The following SLC24A3 variants were observed in gnomAD, a reference collection of about 807,000 sequenced individuals.
SLC24A3 encodes sodium/potassium/calcium exchanger 3.
In SLC24A3, 28 loss-of-function variants were observed where a neutral mutation model predicts 75.8. That is an observed-to-expected ratio of 0.37 (90% confidence interval 0.27 to 0.51). The LOEUF is 0.51. SLC24A3 is among the 20% of genes least tolerant of loss of function. The pLI is 0.94. For missense variants in SLC24A3, 663 were observed against 847.8 expected (o/e 0.78, Z 2.71); for synonymous variants, 372 against 334.1 (o/e 1.11, Z -1.24).
intron 3 of SLC24A3, among the ~76,000 whole-genome samples, chr20:19,548,218 G>A (rs1040250226): frequency 2.0e-5 from 3 of 152,160 alleles, no homozygotes; most frequent in African/African-American, 7.2e-5. Flanking sequence ...CTGGTATTAT[G>A]TATTTGGATG....
intron 6 of SLC24A3, among the ~76,000 whole-genome samples, chr20:19,615,915 A>C (rs1300480613): frequency 6.6e-6 from 1 of 152,164 alleles, no homozygotes; most frequent in Admixed American, 6.5e-5. Flanking sequence ...AGACTGAGCC[A>C]CTACTGGCTT....
chr20:19,607,007 T>G (rs570223990), intron 6 of SLC24A3, among the ~76,000 whole-genome samples: 18 of 152,274 alleles, frequency 1.2e-4, no homozygotes, highest in Non-Finnish European at 2.4e-4. Context: ...AATGTAGGCA[T>G]AGAAGAGGGT....
At chr20:19,666,053 A>T (rs1600329191) in intron 8 of SLC24A3, among the ~76,000 whole-genome samples, 164 bp downstream of exon 8, 4 of 152,138 alleles carry the variant, frequency 2.6e-5, no homozygotes, top group Non-Finnish European at 5.9e-5. Context: ...GAGAAATTAA[A>T]TTCATTTTCA....
At chr20:19,275,719 G>T (rs1279755241) in intron 1 of SLC24A3, among the ~76,000 whole-genome samples, 1 of 152,164 alleles carries the variant, frequency 6.6e-6, no homozygotes, top group Admixed American at 6.5e-5. Context: ...TTGGCGTCCA[G>T]CCTCACTTTG....
chr20:19,240,752 C>A (rs556464984), intron 1 of SLC24A3, among the ~76,000 whole-genome samples: 1 of 152,312 alleles, frequency 6.6e-6, no homozygotes, highest in South Asian at 2.1e-4. Context: ...TGGAGCACAA[C>A]AACATCACAC....
chr20:19,442,354 A>C (rs558655002), intron 2 of SLC24A3, among the ~76,000 whole-genome samples: 14 of 152,164 alleles, frequency 9.2e-5, no homozygotes, highest in Non-Finnish European at 1.6e-4. Context: ...CTGTTACCCC[A>C]CATCTTCACC....
At chr20:19,497,932 A>G (rs58776021) in intron 2 of SLC24A3, among the ~76,000 whole-genome samples, 9,166 of 152,236 alleles carry the variant, frequency 0.06, 817 homozygotes, top group African/African-American at 0.2. Flanking sequence ...TGGGCCACAT[A>G]GCAGGAGGGG....
At chr20:19,341,760 C>G (rs557984057) in intron 2 of SLC24A3, among the ~76,000 whole-genome samples, 2 of 152,264 alleles carry the variant, frequency 1.3e-5, no homozygotes, top group East Asian at 3.9e-4. Context: ...TCCTCTGTCT[C>G]AGTTCTTCAT....
intron 2 of SLC24A3, among the ~76,000 whole-genome samples, chr20:19,431,390 G>T (rs539586258): frequency 1.3e-5 from 2 of 152,272 alleles, no homozygotes; most frequent in East Asian, 3.9e-4. Context: ...AAGCATCCAC[G>T]TGTGGATGGC....
intron 2 of SLC24A3, among the ~76,000 whole-genome samples, chr20:19,368,750 C>T (rs1422808489): frequency 2.0e-5 from 3 of 152,222 alleles, no homozygotes; most frequent in African/African-American, 7.2e-5. Flanking sequence ...ACAAACATTA[C>T]ATCTATTCTG....
intron 8 of SLC24A3, among the ~76,000 whole-genome samples, chr20:19,672,130 G>A (rs960567698): frequency 2.6e-5 from 4 of 152,116 alleles, no homozygotes; most frequent in African/African-American, 4.8e-5. Context: ...TCAGGAGATC[G>A]GGGGGTGTGG....
At chr20:19,668,298 T>C (rs1374631436) in intron 8 of SLC24A3, among the ~76,000 whole-genome samples, 1 of 152,198 alleles carries the variant, frequency 6.6e-6, no homozygotes, top group South Asian at 2.1e-4. Flanking sequence ...GTTTAAGAAT[T>C]TTTTACTGTT....
chr20:19,405,209 G>A (rs1407591837), intron 2 of SLC24A3, among the ~76,000 whole-genome samples: 4 of 152,166 alleles, frequency 2.6e-5, no homozygotes, highest in South Asian at 2.1e-4. Flanking sequence ...CAGAGGGCCC[G>A]GGCCCACTCC....
At chr20:19,605,150 G>T (rs146412960) in intron 6 of SLC24A3, among the ~76,000 whole-genome samples, 216 of 152,292 alleles carry the variant, frequency 1.4e-3, no homozygotes, top group African/African-American at 4.7e-3. Flanking sequence ...CTAGATTTGG[G>T]AAACTCCCAG....
intron 2 of SLC24A3, among the ~76,000 whole-genome samples, chr20:19,459,012 T>C (rs1987625951): frequency 6.6e-6 from 1 of 152,186 alleles, no homozygotes; most frequent in Admixed American, 6.5e-5. Flanking sequence ...TCAGATTTGC[T>C]TAGAACTCAC....
intron 1 of SLC24A3, among the ~76,000 whole-genome samples, chr20:19,246,012 C>G (rs1190385427): frequency 2.0e-5 from 3 of 152,056 alleles, no homozygotes; most frequent in African/African-American, 7.2e-5. Flanking sequence ...GAACTTTACT[C>G]TCAACAATAT....
At chr20:19,527,024 C>G (rs180738375) in intron 3 of SLC24A3, among the ~76,000 whole-genome samples, 96 of 152,244 alleles carry the variant, frequency 6.3e-4, no homozygotes, top group African/African-American at 2.2e-3. Context: ...CACGGCCTAG[C>G]AAAAATTAAT....
rs141961452 is a variant in SLC24A3 at position 19,269,417 on chromosome 20, A to G, written c.143-11542A>G. Among the ~76,000 whole-genome samples the G allele has an allele frequency of 3.8e-3, 584 of 152,306 alleles. 4 individuals are homozygous for G. Among genetic ancestry groups the G allele is most frequent in the Non-Finnish European group, 5.4e-3 (370 of 68,032 alleles). ...TTCCCAGTATTCCCTGGCATGTTAGATCTCAGGCCAGGTGGTCAAAGAGTA... is the reference window on the plus strand; with the variant it reads ...TTCCCAGTATTCCCTGGCATGTTAGGTCTCAGGCCAGGTGGTCAAAGAGTA... On this transcript the variant is annotated intron_variant, in intron 1 of 16. Transcript: ENST00000328041.
intron 2 of SLC24A3, among the ~76,000 whole-genome samples, chr20:19,451,233 A>C (rs1294187850): frequency 4.6e-5 from 7 of 152,238 alleles, no homozygotes; most frequent in African/African-American, 1.7e-4. Flanking sequence ...TTGGCTTGGC[A>C]AGAGGAGCTA....
Sources: gnomAD v4.1 joint callset for allele counts (sites outside exome capture counted in the v4.1 genomes callset) on GRCh38, gnomAD v4.1.1 for gene constraint, MANE v1.5 for transcripts, NCBI Gene and HGNC (gene_info 2026-07-23, HGNC 2026-07-21) for gene names.